TBC1D30: variants seen among roughly 807,000 people sequenced by gnomAD.
TBC1D30 encodes TBC1 domain family, member 30.
In TBC1D30, 31 loss-of-function variants were observed where a neutral mutation model predicts 63.2. The observed-to-expected ratio is 0.49, with a 90% CI of 0.37 to 0.66. The LOEUF (loss-of-function observed/expected upper bound fraction) is 0.66. Among genes scored for constraint, TBC1D30 ranks in the 30% least tolerant of loss-of-function variants. TBC1D30 has a pLI of 0.00. For synonymous variants in TBC1D30, 307 were observed against 361.5 expected, an observed-to-expected ratio of 0.85 and a Z score of 1.71; for missense variants, 810 against 953.6, an observed-to-expected ratio of 0.85 and a Z score of 1.98.
intron 8 of TBC1D30, among the ~76,000 whole-genome samples, chr12:64,853,960 C>T (rs562188651): frequency 6.6e-6 from 1 of 152,336 alleles, no homozygotes; most frequent in Admixed American, 6.5e-5. Flanking sequence ...CTACCTGAGT[C>T]TATATGTATC....
chr12:64,797,346 C>T (rs36047673), intron 2 of TBC1D30, among the ~76,000 whole-genome samples: 2,680 of 152,358 alleles, frequency 0.018, 34 homozygotes, highest in Non-Finnish European at 0.027. Flanking sequence ...GATCAATAAA[C>T]ATCCAGTGCT....
In TBC1D30 at chr12:64,830,476, G is replaced by A. The variant is rs1874754671; in HGVS notation, c.382G>A (p.Asp128Asn). ...TFNERSNPDD[D>N]SMGIQIVKDL... ...CAATGAAAGGAGTAATCCTGATGAT[G>A]ACTCCATGGGAATTCAGATAGTCAA... Residue 128 changes from aspartate to asparagine, a missense_variant, in exon 4 of 12, where the codon GAC becomes AAC. Transcript: ENST00000539867. The A allele has an allele frequency of 6.5e-7, 1 of 1,533,976 alleles. No homozygotes were observed. Among genetic ancestry groups the A allele is most frequent in the African/African-American group, 1.4e-5 (1 of 73,020 alleles).
rs1429225384 is a variant in TBC1D30, at chr12:64,866,939, G to A, written c.1291+36G>A. The A allele has an allele frequency of 3.3e-6, 5 of 1,533,718 alleles. No individual in the cohort carries two copies. In the African/African-American group the frequency reaches 4.1e-5, roughly 13 times the overall value. ...GGCTCTTGATTTAGATTATCATGATGTATTGGTTTACTACAATAAGAGTGA... is the reference window on the plus strand; with the variant it reads ...GGCTCTTGATTTAGATTATCATGATATATTGGTTTACTACAATAAGAGTGA... On this transcript the variant is annotated intron_variant, in intron 10 of 11. Coordinates refer to ENST00000539867, the MANE Select transcript of TBC1D30 (RefSeq NM_015279.2).
At chr12:64,778,299 A>G (rs1297232846), upstream of TBC1D30, among the ~76,000 whole-genome samples, 1 of 152,204 alleles carries the variant, frequency 6.6e-6, no homozygotes, top group African/African-American at 2.4e-5. Context: ...AGCAGTTACA[A>G]TGTGCCAGGG....
At chr12:64,810,994 A>G (rs539286608) in intron 2 of TBC1D30, among the ~76,000 whole-genome samples, 1 of 152,318 alleles carries the variant, frequency 6.6e-6, no homozygotes, top group East Asian at 1.9e-4. Flanking sequence ...ATTCTGACTC[A>G]CCTGGATGGC....
In TBC1D30 at chr12:64,875,557, G is replaced by A. The variant is rs1339487076; in HGVS notation, c.2055G>A (p.Pro685=). Reference sequence around the variant, plus strand: ...CCTGCCAGCGGCACTGCCCAGAGCCGCCGAGTGCACCCGAAGAAAACAAAG... The same window carrying A: ...CCTGCCAGCGGCACTGCCCAGAGCCACCGAGTGCACCCGAAGAAAACAAAG... The part of the protein sequence containing the change: ...HPPCQRHCPE[P]PSAPEENKAT... Residue 685 remains proline, a synonymous_variant, in exon 12 of 12, where the codon CCG becomes CCA. Coordinates refer to ENST00000539867, the MANE Select transcript of TBC1D30 (RefSeq NM_015279.2). The A allele has an allele frequency of 3.7e-5, 57 of 1,536,114 alleles. No individual in the cohort carries two copies. Among genetic ancestry groups the A allele is most frequent in the Non-Finnish European group, 3.9e-5 (45 of 1,146,908 alleles).
chr12:64,780,708 GGGCACCACC>G, exon 1 of TBC1D30: 1 of 969,808 alleles, frequency 1.0e-6, no homozygotes, highest in Non-Finnish European at 1.2e-6. Flanking sequence ...GCGCCCGGGA[GGGCACCACC>G]GGCGAGGACG....
intron 8 of TBC1D30, among the ~76,000 whole-genome samples, chr12:64,851,527 C>T (rs1472581628): frequency 6.6e-6 from 1 of 152,186 alleles, no homozygotes; most frequent in Non-Finnish European, 1.5e-5. Flanking sequence ...AGCCCATTTA[C>T]ATTTAAGATT....
intron 1 of TBC1D30, among the ~76,000 whole-genome samples, chr12:64,785,181 C>T (rs1031515621): frequency 7.2e-6 from 1 of 138,516 alleles, no homozygotes; most frequent in Non-Finnish European, 1.5e-5. Context: ...GACGGAGTTT[C>T]GCTCTTGTTG....
chr12:64,759,951 C>T (rs1870437196), intron 1 of TBC1D30, among the ~76,000 whole-genome samples: 1 of 152,190 alleles, frequency 6.6e-6, no homozygotes, highest in Non-Finnish European at 1.5e-5. Flanking sequence ...TTAACATTCT[C>T]ATTTGGCTCA....
chr12:64,842,061 A>G (rs1875924999), intron 7 of TBC1D30, among the ~76,000 whole-genome samples: 1 of 152,162 alleles, frequency 6.6e-6, no homozygotes, highest in South Asian at 2.1e-4. Context: ...TTGTCATATA[A>G]AATGGAAATA....
At chr12:64,763,154 C>T (rs777330669) in intron 1 of TBC1D30, among the ~76,000 whole-genome samples, 1 of 152,128 alleles carries the variant, frequency 6.6e-6, no homozygotes, top group Non-Finnish European at 1.5e-5. Context: ...TGGGGTTTCG[C>T]CATGTTGGCC....
At chr12:64,780,869 G>A (rs890535943) in exon 1 of TBC1D30, 2 of 1,012,080 alleles carry the variant, frequency 2.0e-6, no homozygotes, top group Non-Finnish European at 1.2e-6. Context: ...GGAATTCCGC[G>A]GCGGCGGTGG....
chr12:64,782,312 A>G (rs1158685843), intron 1 of TBC1D30, among the ~76,000 whole-genome samples: 1 of 150,382 alleles, frequency 6.6e-6, no homozygotes, highest in Non-Finnish European at 1.5e-5. Context: ...AAAAAAACCT[A>G]GGAAAAGAAT....
intron 2 of TBC1D30, among the ~76,000 whole-genome samples, chr12:64,791,722 G>GT (rs58331507): frequency 0.037 from 5,494 of 150,344 alleles, 369 homozygotes; most frequent in African/African-American, 0.13. Flanking sequence ...ATATATATAT[G>GT]TTTTTTTTAA....
chr12:64,825,669 C>T (rs1347326633), intron 1 of TBC1D30: 1 of 152,464 alleles, frequency 6.6e-6, no homozygotes, highest in Non-Finnish European at 1.5e-5. Flanking sequence ...TTACCCATCC[C>T]TGCTTCTCCA....
intron 7 of TBC1D30, 100 bp from the exon 8 acceptor site, chr12:64,843,280 C>T (rs953976279): frequency 1.8e-5 from 19 of 1,045,740 alleles, no homozygotes; most frequent in Non-Finnish European, 2.6e-5. Context: ...TAGGCATGAG[C>T]CACCATGCCC....
At position 64,876,794 on chromosome 12, in the gene TBC1D30, C is replaced by G. The variant is rs1157469188; in HGVS notation, c.*1006C>G. ...ACACTGCCTTTCTCTGGAGAAGGCC[C>G]CAGTGCTTTCTAGCTCCCTCTCACT... On this transcript the variant is annotated 3_prime_UTR_variant, in exon 12 of 12. Coordinates refer to ENST00000539867, the MANE Select transcript of TBC1D30 (RefSeq NM_015279.2). 2.2e-6 allele frequency: 1 copy of G among 456,076 alleles called. No individual in the cohort carries two copies. The highest frequency in any genetic ancestry group is 4.4e-6 in the Non-Finnish European group (1 of 226,794). 28.3% of individuals were successfully genotyped at this position (456,076 alleles called of 1,614,324 possible).
At chr12:64,799,434 G>A (rs1171552608) in intron 2 of TBC1D30, among the ~76,000 whole-genome samples, 1 of 152,202 alleles carries the variant, frequency 6.6e-6, no homozygotes, top group East Asian at 1.9e-4. Flanking sequence ...TTCCCACTGT[G>A]GGAGGTTCAG....
Sources: gnomAD v4.1 joint callset for allele counts (sites outside exome capture counted in the v4.1 genomes callset) on GRCh38, gnomAD v4.1.1 for gene constraint, MANE v1.5 for transcripts, NCBI Gene and HGNC (gene_info 2026-07-23, HGNC 2026-07-21) for gene names.